Variants in IL1B observed in about 807,000 individuals in gnomAD.
The protein encoded by IL1B is interleukin-1 beta.
Under a neutral mutation model 26.2 loss-of-function variants are expected in IL1B, and 11 were observed. That is an observed-to-expected ratio of 0.42 (90% confidence interval 0.26 to 0.70). The LOEUF is 0.70. Ranked by LOEUF, IL1B falls within the 30% of genes least tolerant of loss-of-function variation. IL1B has a pLI of 0.25. For missense variants in IL1B, 255 were observed against 327.5 expected (o/e 0.78, Z 1.71); for synonymous variants, 118 against 120.8 (o/e 0.98, Z 0.15).
In IL1B at chr2:112,830,272, G is replaced by T; in HGVS notation, c.*89C>A. The T allele has an allele frequency of 2.7e-6, 3 of 1,094,456 alleles. No individual in the cohort carries two copies. The highest frequency in any genetic ancestry group is 4.2e-6 in the Non-Finnish European group (3 of 708,452). The allele number at this position is 1,094,456 out of a possible 1,614,324, so 67.8% of individuals were successfully genotyped here. A position where few individuals can be genotyped will look rare whatever the true frequency, so the allele number is the denominator to read the frequency against. On this transcript the variant is annotated 3_prime_UTR_variant, in exon 7 of 7. Coordinates refer to ENST00000263341, the MANE Select transcript of IL1B (RefSeq NM_000576.3). ...AGACAACAGGAAAGTCCAGGCTATAGCCGTACTCAAAAACCTTTCTGTTCC... is the reference window on the plus strand; with the variant it reads ...AGACAACAGGAAAGTCCAGGCTATATCCGTACTCAAAAACCTTTCTGTTCC...
intron 4 of IL1B, 182 bp from the exon 5 acceptor site, chr2:112,833,008 G>GAC (rs1682020104): frequency 1.5e-6 from 1 of 670,194 alleles, no homozygotes. Context: ...GACACTATTA[G>GAC]ACATGGGTTC....
intron 4 of IL1B, 193 bp from the exon 5 acceptor site, chr2:112,833,019 C>G: frequency 1.5e-6 from 1 of 656,656 alleles, no homozygotes; most frequent in Non-Finnish European, 2.7e-6. Flanking sequence ...ACATGGGTTC[C>G]AGCTTCAGGT....
chr2:112,836,474 T>C, intron 1 of IL1B: 1 of 473,482 alleles, frequency 2.1e-6, no homozygotes, highest in Non-Finnish European at 3.9e-6. Context: ...CACTAACCTT[T>C]AGGGTGTCAG....
intron 5 of IL1B, among the ~76,000 whole-genome samples, chr2:112,832,295 C>G (rs945119548): frequency 6.6e-6 from 1 of 152,148 alleles, no homozygotes; most frequent in Non-Finnish European, 1.5e-5. Flanking sequence ...CATTATCGCT[C>G]CAGCACTCTT....
chr2:112,831,497 A>T, intron 5 of IL1B, 75 bp from the exon 6 acceptor site: 1 of 1,557,544 alleles, frequency 6.4e-7, no homozygotes, highest in Non-Finnish European at 8.8e-7. Flanking sequence ...CCCCATGAGT[A>T]GGATACATGT....
chr2:112,831,530 C>A lies in IL1B; in HGVS notation c.467-108G>T. ...TGTAATTTGGTAGCCTCTGTGGGAA[C>A]CCACAGTGAGGTTCCTTGGCCTAAG... On this transcript the variant is annotated intron_variant, in intron 5 of 6. Transcript: ENST00000263341. 4 of 1,290,208 alleles carry A rather than the reference C, an allele frequency of 3.1e-6. No homozygotes were observed. In the South Asian group the frequency reaches 4.9e-5, roughly 16 times the overall value. 79.9% of individuals were successfully genotyped at this position (1,290,208 alleles called of 1,614,324 possible). A position where few individuals can be genotyped will look rare whatever the true frequency, so the allele number is the denominator to read the frequency against.
At chr2:112,832,621 G>T (rs751922568) in intron 5 of IL1B, 41 bp downstream of exon 5, 6 of 1,601,112 alleles carry the variant, frequency 3.7e-6, no homozygotes, top group Non-Finnish European at 4.3e-6. Flanking sequence ...TTAGCAAGCT[G>T]CCAGGAGGCC....
At chr2:112,830,979 A>C (rs546906420) in intron 6 of IL1B, among the ~76,000 whole-genome samples, 1 of 152,170 alleles carries the variant, frequency 6.6e-6, no homozygotes, top group African/African-American at 2.4e-5. Flanking sequence ...AGTGGACATG[A>C]TAATGGGACC....
chr2:112,830,003 T>C lies in IL1B; in HGVS notation c.*358A>G, dbSNP rs938326451. ...CCAATGAATAAAACAAACAAACAAATAAATAAATAAATAGGGAAGCGGTTG... is the reference window on the plus strand; with the variant it reads ...CCAATGAATAAAACAAACAAACAAACAAATAAATAAATAGGGAAGCGGTTG... On this transcript the variant is annotated 3_prime_UTR_variant, in exon 7 of 7. Transcript: ENST00000263341. The C allele has an allele frequency of 3.2e-5, 7 of 221,158 alleles. No individual in the cohort carries two copies. Among genetic ancestry groups the C allele is most frequent in the Middle Eastern group, 1.7e-3 (1 of 586 alleles). 13.7% of individuals were successfully genotyped at this position (221,158 alleles called of 1,614,324 possible). A position where few individuals can be genotyped will look rare whatever the true frequency, so the allele number is the denominator to read the frequency against.
Position 112,831,518 on chromosome 2 carries a change from C to T in IL1B, c.467-96G>A, listed in dbSNP as rs547298461. ...GAGTAGGATACATGTAATTTGGTAG[C>T]CTCTGTGGGAACCCACAGTGAGGTT... On this transcript the variant is annotated intron_variant, in intron 5 of 6. Coordinates refer to ENST00000263341, the MANE Select transcript of IL1B (RefSeq NM_000576.3). 2.3e-5 allele frequency: 33 copies of T among 1,440,754 alleles called. No individual in the cohort carries two copies. The East Asian group carries it at 6.8e-4, about 30-fold the overall frequency. The allele number at this position is 1,440,754 out of a possible 1,614,324, so 89.2% of individuals were successfully genotyped here.
intron 1 of IL1B, 98 bp from the exon 2 acceptor site, chr2:112,836,342 G>T: frequency 2.3e-6 from 2 of 878,070 alleles, no homozygotes; most frequent in East Asian, 2.5e-5. Context: ...GCAAAGAAAT[G>T]ATCTCTGAGT....
At chr2:112,831,171 A>C (rs2104934413) in intron 6 of IL1B, 121 bp downstream of exon 6, 2 of 1,149,470 alleles carry the variant, frequency 1.7e-6, no homozygotes, top group South Asian at 2.5e-5. Context: ...CATTAATGCA[A>C]AATTGTCAAA....
rs1681947895 is a variant in IL1B, at chr2:112,829,888, A to C, written c.*473T>G. 1 of 166,720 alleles carries C rather than the reference A, an allele frequency of 6.0e-6. No individual in the cohort carries two copies. Among genetic ancestry groups the C allele is most frequent in the African/African-American group, 2.4e-5 (1 of 41,570 alleles). 10.3% of individuals were successfully genotyped at this position (166,720 alleles called of 1,614,324 possible). A position where few individuals can be genotyped will look rare whatever the true frequency, so the allele number is the denominator to read the frequency against. On this transcript the variant is annotated 3_prime_UTR_variant, in exon 7 of 7. Coordinates refer to ENST00000263341, the MANE Select transcript of IL1B (RefSeq NM_000576.3). ...AAAGGACTTGATTTAAAGAGAGCAC[A>C]CCAGTCCAAATTGAATTGATTCCAT...
intron 3 of IL1B, among the ~76,000 whole-genome samples, 182 bp from the exon 4 acceptor site, chr2:112,833,757 G>A (rs2104936269): frequency 6.6e-6 from 1 of 152,300 alleles, no homozygotes; most frequent in African/African-American, 2.4e-5. Context: ...ACTTTGGGAA[G>A]CCGAGGTGGA....
At chr2:112,834,120 A>G (rs1682043987) in intron 3 of IL1B, among the ~76,000 whole-genome samples, 1 of 152,230 alleles carries the variant, frequency 6.6e-6, no homozygotes, top group Non-Finnish European at 1.5e-5. Context: ...CAGACTCAAG[A>G]CTAGAATGTG....
chr2:112,832,323 A>G (rs187410053), intron 5 of IL1B, among the ~76,000 whole-genome samples: 2 of 152,314 alleles, frequency 1.3e-5, no homozygotes, highest in East Asian at 3.9e-4. Flanking sequence ...CCTCAACAAC[A>G]GGAAGAGAGA....
At chr2:112,835,185 T>C (rs1020543434) in intron 3 of IL1B, 1 of 336,404 alleles carries the variant, frequency 3.0e-6, no homozygotes, top group Non-Finnish European at 5.8e-6. Flanking sequence ...GGGGTAGACA[T>C]ATGTTAGTTC....
rs1342887017 is a variant in IL1B at position 112,830,903 on chromosome 2, TC to T, written c.598-331del. Among the ~76,000 whole-genome samples the T allele has an allele frequency of 7.9e-5, 12 of 152,114 alleles. No homozygotes were observed. The East Asian group carries it at 2.1e-3, about 27-fold the overall frequency. ...TTTTCCTTATGGTCCTAGAATGACA[TC>T]AACTTGGAAATGAAGCTTTTGCTGA... On this transcript the variant is annotated intron_variant, in intron 6 of 6. Transcript: ENST00000263341.
At chr2:112,836,051 G>T in intron 2 of IL1B, 132 bp downstream of exon 2, 1 of 793,378 alleles carries the variant, frequency 1.3e-6, no homozygotes, top group South Asian at 1.4e-5. Flanking sequence ...CTTTAAATCA[G>T]ATTTACTTGG....
Sources: gnomAD v4.1 joint callset for allele counts (sites outside exome capture counted in the v4.1 genomes callset) on GRCh38, gnomAD v4.1.1 for gene constraint, MANE v1.5 for transcripts, NCBI Gene and HGNC (gene_info 2026-07-23, HGNC 2026-07-21) for gene names.